SCARB2: variants seen among roughly 807,000 people sequenced by gnomAD.
SCARB2 encodes the protein lysosome membrane protein 2.
Under a neutral mutation model 58.6 loss-of-function variants are expected in SCARB2, and 29 were observed. The observed-to-expected ratio is 0.49, with a 90% CI of 0.37 to 0.67. The LOEUF is 0.67. Ranked by LOEUF, SCARB2 falls within the 30% of genes least tolerant of loss-of-function variation. The pLI, the probability that SCARB2 is intolerant of heterozygous loss-of-function variation, is 0.00. For missense variants in SCARB2, 488 were observed against 578.5 expected (o/e 0.84, Z 1.60); for synonymous variants, 195 against 210.1 (o/e 0.93, Z 0.62).
At chr4:76,190,874 G>A (rs889697913) in intron 2 of SCARB2, among the ~76,000 whole-genome samples, 3 of 152,214 alleles carry the variant, frequency 2.0e-5, no homozygotes, top group African/African-American at 7.2e-5. Flanking sequence ...CTAGACACAT[G>A]TGGCTATTGC....
At chr4:76,179,880 C>A in intron 3 of SCARB2, 175 bp from the exon 4 acceptor site, 1 of 672,860 alleles carries the variant, frequency 1.5e-6, no homozygotes, top group Non-Finnish European at 2.7e-6. Context: ...GACAAAGCCT[C>A]TTCTCTGTCC....
intron 1 of SCARB2, among the ~76,000 whole-genome samples, chr4:76,225,992 A>T (rs1223413498): frequency 6.6e-6 from 1 of 152,182 alleles, no homozygotes; most frequent in East Asian, 1.9e-4. Flanking sequence ...TGTCTGATAT[A>T]ATTTAGCTGT....
At chr4:76,163,144 G>A (rs1304526706) in intron 11 of SCARB2, 81 bp downstream of exon 11, 13 of 1,558,652 alleles carry the variant, frequency 8.3e-6, no homozygotes, top group Non-Finnish European at 1.2e-5. Context: ...TAAGCCAGCT[G>A]ACAGCCCTTC....
At chr4:76,214,331 TG>T (rs1733158018), upstream of SCARB2, 1 of 454,848 alleles carries the variant, frequency 2.2e-6, no homozygotes, top group Middle Eastern at 3.3e-4. Flanking sequence ...AACTGGGGCC[TG>T]GGGGATGCAT....
Position 76,161,292 on chromosome 4 carries a change from A to G in SCARB2, c.*421T>C, listed in dbSNP as rs1731892127. 1 of 186,932 alleles carries G rather than the reference A, an allele frequency of 5.3e-6. No individual in the cohort carries two copies. The highest frequency in any genetic ancestry group is 2.4e-5 in the African/African-American group (1 of 42,406). The allele number at this position is 186,932 out of a possible 1,614,324, so 11.6% of individuals were successfully genotyped here. Reference sequence around the variant, plus strand: ...TGTTTTGCAAGTGAAATGGAGGAATACAACATAAAATGGTATATACGCATT... The same window carrying G: ...TGTTTTGCAAGTGAAATGGAGGAATGCAACATAAAATGGTATATACGCATT... On this transcript the variant is annotated 3_prime_UTR_variant, in exon 12 of 12. Transcript: ENST00000264896.
intron 4 of SCARB2, among the ~76,000 whole-genome samples, chr4:76,177,347 A>G (rs1732271034): frequency 6.6e-6 from 1 of 152,126 alleles, no homozygotes; most frequent in African/African-American, 2.4e-5. Context: ...ATTAAAAAAA[A>G]AAAAAAGAAA....
At chr4:76,195,233 T>C (rs1732688194) in intron 2 of SCARB2, 1 of 160,074 alleles carries the variant, frequency 6.2e-6, no homozygotes, top group Non-Finnish European at 1.4e-5. Flanking sequence ...GGTGTGGTGG[T>C]GAACACTTGC....
chr4:76,194,261 G>C (rs1732663779), intron 2 of SCARB2: 1 of 152,192 alleles, frequency 6.6e-6, no homozygotes, highest in Admixed American at 6.5e-5. Context: ...CCCAGTCTCA[G>C]GTATTTCTTC....
intron 2 of SCARB2, chr4:76,193,998 G>A (rs6852859): frequency 0.18 from 27,651 of 152,156 alleles, 2,725 homozygotes; most frequent in East Asian, 0.35. Context: ...GGTCATAGGG[G>A]AGGATCCCTC....
In SCARB2 at chr4:76,182,029, CTATT is replaced by C. The variant is rs768669039; in HGVS notation, c.276-932_276-929del. Among the ~76,000 whole-genome samples the C allele has an allele frequency of 3.3e-5, 5 of 152,268 alleles. No individual in the cohort carries two copies. In the East Asian group the frequency reaches 5.8e-4, roughly 18 times the overall value. On this transcript the variant is annotated intron_variant, in intron 2 of 11. Transcript: ENST00000264896. ...TAATCAAGATAAATAGTTTAATGCA[CTATT>C]TATTAAAACCAAAATTTATGCCAAA...
At position 76,177,433 on chromosome 4, in the gene SCARB2, G is replaced by A. The variant is rs959276535; in HGVS notation, c.613-905C>T. On this transcript the variant is annotated intron_variant, in intron 4 of 11. Transcript: ENST00000264896. ...CTAGCAGGAATATAAAAATGTTGCA[G>A]TCACTGCAGAAAACAGTTTGTCAGT... is the stretch of plus-strand genomic sequence containing the variant. 7.2e-5 allele frequency among the ~76,000 whole-genome samples: 11 copies of A among 152,044 alleles called. 1 individual carries two copies. The South Asian group carries it at 1.7e-3, about 23-fold the overall frequency.
chr4:76,174,205 G>A lies in SCARB2; in HGVS notation c.933C>T (p.Phe311=), dbSNP rs2109941862. Residue 311 remains phenylalanine (F), a synonymous_variant, in exon 7 of 12, where the codon TTC becomes TTT. Transcript: ENST00000264896. The part of the protein sequence containing the change: ...ILANTSDNAG[F]CIPEGNCLGS... ...CCAGGCAGTTTCCCTCAGGTATACA[G>A]AAGCCGGCATTGTCTGACGTATTGG... is the stretch of plus-strand genomic sequence containing the variant. The A allele has an allele frequency of 6.2e-7, 1 of 1,614,162 alleles. No homozygotes were observed. Among genetic ancestry groups the A allele is most frequent in the Non-Finnish European group, 8.5e-7 (1 of 1,180,032 alleles).
In SCARB2 at chr4:76,179,570, G is replaced by A; in HGVS notation, c.559C>T (p.Leu187Phe). ...LWGYKDEILS[L>F]IHVFRPDISP... The stretch of plus-strand genomic sequence containing the variant: ...ATATCGGGCCTGAAAACATGGATAA[G>A]GGACAAGATTTCATCTTTGTAGCCC... The change falls in exon 4 of 12, where the codon CTT becomes TTT. Residue 187 changes from leucine to phenylalanine, a missense_variant. By Grantham distance (22) the Leu-to-Phe change is conservative. Transcript: ENST00000264896. 6.2e-7 allele frequency: 1 copy of A among 1,614,174 alleles called. No homozygotes were observed. The highest frequency in any genetic ancestry group is 2.2e-5 in the East Asian group (1 of 44,888).
chr4:76,180,089 G>A (rs749015886), intron 3 of SCARB2: 6 of 330,518 alleles, frequency 1.8e-5, no homozygotes, highest in Middle Eastern at 1.0e-3. Flanking sequence ...CTAGGTGGCA[G>A]GGACCTCATA....
chr4:76,207,236 T>C (rs111332382), intron 1 of SCARB2, among the ~76,000 whole-genome samples: 3,049 of 152,332 alleles, frequency 0.02, 56 homozygotes, highest in Non-Finnish European at 0.032. Context: ...TGATGTCATA[T>C]TGGAATATGT....
At chr4:76,229,343 G>A (rs1390260094) in intron 1 of SCARB2, among the ~76,000 whole-genome samples, 2 of 152,152 alleles carry the variant, frequency 1.3e-5, no homozygotes, top group Non-Finnish European at 2.9e-5. Context: ...TCATGTGGCA[G>A]TTCAGACATG....
chr4:76,208,467 A>G (rs1487055856), intron 1 of SCARB2, among the ~76,000 whole-genome samples: 3 of 152,190 alleles, frequency 2.0e-5, no homozygotes, highest in African/African-American at 7.2e-5. Flanking sequence ...ATAAACTTGG[A>G]AAAGAGAAAC....
At chr4:76,232,781 A>C (rs1360539056) in intron 1 of SCARB2, among the ~76,000 whole-genome samples, 1 of 152,164 alleles carries the variant, frequency 6.6e-6, no homozygotes, top group Non-Finnish European at 1.5e-5. Context: ...ACAATTATGA[A>C]ACTTAAGTTT....
At chr4:76,166,867 T>G (rs1012443985) in intron 9 of SCARB2, 1 of 154,752 alleles carries the variant, frequency 6.5e-6, no homozygotes, top group Admixed American at 6.3e-5. Flanking sequence ...AGCTCTTAAC[T>G]ACTAAATTAT....
Sources: gnomAD v4.1 joint callset for allele counts (sites outside exome capture counted in the v4.1 genomes callset) on GRCh38, gnomAD v4.1.1 for gene constraint, MANE v1.5 for transcripts, NCBI Gene and HGNC (gene_info 2026-07-23, HGNC 2026-07-21) for gene names.